Variants in CSMD3 observed in about 807,000 individuals in gnomAD.
The protein encoded by CSMD3 is CUB and sushi domain-containing protein 3.
In CSMD3, 177 loss-of-function variants were observed where a neutral mutation model predicts 435.2. The ratio of observed to expected loss-of-function variants is 0.41; its 90% CI spans 0.36 to 0.46. The LOEUF (loss-of-function observed/expected upper bound fraction) is 0.46, where lower values mean the gene tolerates loss of function less well. Ranked by LOEUF, CSMD3 falls within the 20% of genes least tolerant of loss-of-function variation. CSMD3 has a pLI of 0.34. For missense variants in CSMD3, 4,265 were observed against 4,504.6 expected (o/e 0.95, Z 1.52); for synonymous variants, 1,656 against 1,520.5 (o/e 1.09, Z -2.07).
At chr8:112,411,122 CTTTTT>C (rs144741058) in intron 32 of CSMD3, among the ~76,000 whole-genome samples, 1 of 136,498 alleles carries the variant, frequency 7.3e-6, no homozygotes. Flanking sequence ...AAAAATTCAT[CTTTTT>C]TTTTTTTTTT....
chr8:113,101,731 C>G (rs2090335983), intron 4 of CSMD3, among the ~76,000 whole-genome samples: 1 of 152,060 alleles, frequency 6.6e-6, no homozygotes, highest in African/African-American at 2.4e-5. Context: ...AACCAATGTT[C>G]ATGTCGACTC....
chr8:112,342,680 A>G (rs1206826134), intron 41 of CSMD3, among the ~76,000 whole-genome samples: 1 of 152,018 alleles, frequency 6.6e-6, no homozygotes. Flanking sequence ...TATGATATTA[A>G]TAACTACACT....
intron 1 of CSMD3, among the ~76,000 whole-genome samples, chr8:113,432,508 A>G (rs1263493680): frequency 1.3e-5 from 2 of 152,180 alleles, no homozygotes; most frequent in Non-Finnish European, 2.9e-5. Flanking sequence ...AGATGGCACT[A>G]TGCTGTTTAA....
chr8:112,725,035 G>T (rs2076934934), intron 13 of CSMD3, among the ~76,000 whole-genome samples: 2 of 151,922 alleles, frequency 1.3e-5, no homozygotes, highest in African/African-American at 4.8e-5. Context: ...GGTTTGGGAG[G>T]GTCTGGAAAG....
intron 9 of CSMD3, among the ~76,000 whole-genome samples, chr8:112,939,402 G>A (rs1159244375): frequency 6.6e-6 from 1 of 152,004 alleles, no homozygotes; most frequent in Non-Finnish European, 1.5e-5. Flanking sequence ...ACTTCACTAG[G>A]CAAGTTCATG....
At chr8:113,030,596 G>C (rs74989973) in intron 5 of CSMD3, among the ~76,000 whole-genome samples, 5 of 151,022 alleles carry the variant, frequency 3.3e-5, no homozygotes, top group Non-Finnish European at 7.4e-5. Context: ...GAAAATCTTT[G>C]AGATCTTGAG....
intron 14 of CSMD3, among the ~76,000 whole-genome samples, chr8:112,688,928 AT>A (rs2076071528): frequency 6.6e-6 from 1 of 152,048 alleles, no homozygotes; most frequent in Non-Finnish European, 1.5e-5. Context: ...GATGTGATAT[AT>A]TACACTAATG....
intron 58 of CSMD3, 75 bp from the exon 59 acceptor site, chr8:112,281,425 A>G: frequency 6.0e-6 from 7 of 1,164,446 alleles, no homozygotes; most frequent in Non-Finnish European, 8.9e-6. Context: ...TAATGACTAA[A>G]CGATTCTTTC....
intron 13 of CSMD3, among the ~76,000 whole-genome samples, chr8:112,780,967 T>C (rs2078369663): frequency 6.6e-6 from 1 of 152,018 alleles, no homozygotes; most frequent in South Asian, 2.1e-4. Context: ...TCATACAACC[T>C]AGTGAGACAC....
rs1812382020 is a variant in CSMD3 at position 112,224,315 on chromosome 8, AAGAC to A, written c.*452_*455del. 4 of 168,578 alleles carry A rather than the reference AAGAC, an allele frequency of 2.4e-5. No homozygotes were observed. Among genetic ancestry groups the A allele is most frequent in the Admixed American group, 2.3e-4 (4 of 17,438 alleles). The allele number at this position is 168,578 out of a possible 1,614,324, so 10.4% of individuals were successfully genotyped here. On this transcript the variant is annotated 3_prime_UTR_variant, in exon 71 of 71. Transcript: ENST00000297405. ...ATGAATGGCAGATAGAGTGGTATGA[AAGAC>A]AGATTTGTGGGCGTGATGTAGCTCA...
intron 32 of CSMD3, among the ~76,000 whole-genome samples, chr8:112,454,082 A>G (rs750237058): frequency 3.3e-5 from 5 of 152,202 alleles, no homozygotes; most frequent in African/African-American, 4.8e-5. Flanking sequence ...GCCTTTGACC[A>G]TATATAAGAA....
At position 113,051,296 on chromosome 8, in the gene CSMD3, G is replaced by T. The variant is rs117111756; in HGVS notation, c.918-32117C>A. ...ACATAGTCTGGATAGATAAATGATT[G>T]TCCATTATAATTGCCAAATGAGGGT... On this transcript the variant is annotated intron_variant, in intron 5 of 70. Coordinates refer to ENST00000297405, the MANE Select transcript of CSMD3 (RefSeq NM_198123.2). Among the ~76,000 whole-genome samples the T allele has an allele frequency of 5.5e-4, 84 of 152,116 alleles. 1 individual carries two copies. The East Asian group carries it at 0.014, about 26-fold the overall frequency.
chr8:113,039,429 G>A (rs2131278817), intron 5 of CSMD3, among the ~76,000 whole-genome samples: 1 of 152,190 alleles, frequency 6.6e-6, no homozygotes, highest in East Asian at 1.9e-4. Context: ...TATACAATTA[G>A]CTTATGAAGA....
intron 1 of CSMD3, among the ~76,000 whole-genome samples, chr8:113,329,670 C>T (rs1223840725): frequency 6.7e-6 from 1 of 150,314 alleles, no homozygotes; most frequent in Non-Finnish European, 1.5e-5. Flanking sequence ...GAGATCCACA[C>T]CCAGACACAT....
chr8:112,662,000 G>C (rs1261098656), intron 17 of CSMD3, among the ~76,000 whole-genome samples: 1 of 152,004 alleles, frequency 6.6e-6, no homozygotes, highest in East Asian at 1.9e-4. Context: ...GAAGATTCTA[G>C]ATGCAGAAGA....
intron 5 of CSMD3, among the ~76,000 whole-genome samples, chr8:113,028,442 C>T (rs1247787002): frequency 6.6e-6 from 1 of 151,370 alleles, no homozygotes; most frequent in East Asian, 1.9e-4. Flanking sequence ...ACATGTCTCT[C>T]ACTTTCAATC....
At chr8:113,110,957 A>C (rs1012362698) in intron 4 of CSMD3, among the ~76,000 whole-genome samples, 22 of 152,266 alleles carry the variant, frequency 1.4e-4, no homozygotes, top group African/African-American at 4.3e-4. Flanking sequence ...ATGTGGTAGA[A>C]GGGTTGAATG....
At chr8:112,961,773 A>G (rs2084238810) in intron 7 of CSMD3, among the ~76,000 whole-genome samples, 1 of 151,950 alleles carries the variant, frequency 6.6e-6, no homozygotes, top group Non-Finnish European at 1.5e-5. Flanking sequence ...AGACTCTAAA[A>G]TTTGTATATG....
At position 113,178,692 on chromosome 8, in the gene CSMD3, G is replaced by A. The variant is rs533946229; in HGVS notation, c.515-4776C>T. Among the ~76,000 whole-genome samples the A allele has an allele frequency of 2.6e-5, 4 of 151,934 alleles. No individual in the cohort carries two copies. The East Asian group carries it at 5.8e-4, about 22-fold the overall frequency. On this transcript the variant is annotated intron_variant, in intron 3 of 70. Coordinates refer to ENST00000297405, the MANE Select transcript of CSMD3 (RefSeq NM_198123.2). ...ATAAAAAGTTAGTTTTTGTTTGTTTGTTTCCAAGGGCAGTGAACAAGTATA... is the reference window on the plus strand; with the variant it reads ...ATAAAAAGTTAGTTTTTGTTTGTTTATTTCCAAGGGCAGTGAACAAGTATA...
Sources: allele counts gnomAD v4.1 joint callset (sites outside exome capture counted in the v4.1 genomes callset), GRCh38; gene constraint gnomAD v4.1.1; transcripts MANE v1.5; gene names NCBI Gene and HGNC (gene_info 2026-07-23, HGNC 2026-07-21).